Variants in PPFIA2 observed in about 807,000 individuals in gnomAD.
The protein encoded by PPFIA2 is PPFI scaffold protein A2, also known as liprin-alpha-2.
Under a neutral mutation model 175.5 loss-of-function variants are expected in PPFIA2, and 46 were observed. That is an observed-to-expected ratio of 0.26 (90% CI 0.21 to 0.34). PPFIA2 has a LOEUF of 0.34. Among genes scored for constraint, PPFIA2 ranks in the 10% least tolerant of loss-of-function variants. The pLI, the probability that PPFIA2 is intolerant of heterozygous loss-of-function variation, is 1.00. For missense variants in PPFIA2, 1,179 were observed against 1,506.1 expected, an observed-to-expected ratio of 0.78 and a Z score of 3.60; for synonymous variants, 568 against 511.4, an observed-to-expected ratio of 1.11 and a Z score of -1.49.
chr12:81,332,102 CAG>C (rs942902858), intron 21 of PPFIA2, among the ~76,000 whole-genome samples: 16 of 151,962 alleles, frequency 1.1e-4, no homozygotes, highest in Admixed American at 1.3e-4. Flanking sequence ...CTCTGGAAAA[CAG>C]AGCTCGTTTG....
intron 29 of PPFIA2, among the ~76,000 whole-genome samples, 181 bp downstream of exon 29, chr12:81,267,728 ATTT>A (rs137975780): frequency 0.015 from 1,129 of 77,708 alleles, 6 homozygotes; most frequent in Non-Finnish European, 0.024. Flanking sequence ...TAATTGTATG[ATTT>A]TTTTTTTTTT....
intron 31 of PPFIA2, 58 bp from the exon 32 acceptor site, chr12:81,262,098 A>G: frequency 3.4e-6 from 4 of 1,182,022 alleles, no homozygotes; most frequent in Non-Finnish European, 5.0e-6. Context: ...AAGATTTCAG[A>G]TGAGAAAGAT....
intron 4 of PPFIA2, among the ~76,000 whole-genome samples, chr12:81,555,644 CA>C (rs1479219889): frequency 6.6e-6 from 1 of 151,580 alleles, no homozygotes; most frequent in Non-Finnish European, 1.5e-5. Flanking sequence ...TGACAAAGCA[CA>C]AAAAATTACA....
At chr12:81,426,610 G>T (rs1265839335) in intron 7 of PPFIA2, among the ~76,000 whole-genome samples, 1 of 152,134 alleles carries the variant, frequency 6.6e-6, no homozygotes, top group Non-Finnish European at 1.5e-5. Flanking sequence ...ATCATTAGCA[G>T]TCAATTATCA....
At chr12:81,365,569 A>G (rs1200359044) in intron 14 of PPFIA2, among the ~76,000 whole-genome samples, 2 of 151,750 alleles carry the variant, frequency 1.3e-5, no homozygotes, top group African/African-American at 4.8e-5. Flanking sequence ...AATCTGCTCA[A>G]AAACTACTTC....
intron 22 of PPFIA2, among the ~76,000 whole-genome samples, chr12:81,307,815 C>T (rs547392553): frequency 6.6e-6 from 1 of 152,304 alleles, no homozygotes; most frequent in African/African-American, 2.4e-5. Context: ...TTCTGCTCAA[C>T]TAACACAAAT....
intron 4 of PPFIA2, among the ~76,000 whole-genome samples, chr12:81,600,909 C>T (rs1368481930): frequency 6.6e-6 from 1 of 151,938 alleles, no homozygotes; most frequent in East Asian, 1.9e-4. Context: ...CTGGGTCTAA[C>T]ACAATTGAGA....
chr12:81,320,325 A>C (rs1436433479), intron 22 of PPFIA2, among the ~76,000 whole-genome samples: 1 of 152,014 alleles, frequency 6.6e-6, no homozygotes, highest in Non-Finnish European at 1.5e-5. Flanking sequence ...TTCTAACATA[A>C]AGATTTATTG....
chr12:81,498,232 G>A lies in PPFIA2; in HGVS notation c.304-40366C>T, dbSNP rs11114888. Among the ~76,000 whole-genome samples the A allele has an allele frequency of 8.6e-4, 131 of 152,154 alleles. 1 individual carries two copies. The highest frequency in any genetic ancestry group is 3.0e-3 in the African/African-American group (124 of 41,500). ...TACTGTTTGCATCACACATAATCAT[G>A]GTACATCTATCAAATAAATTAAAAT... On this transcript the variant is annotated intron_variant, in intron 4 of 32. Transcript: ENST00000549396.
At chr12:81,498,313 G>A (rs1186855469) in intron 4 of PPFIA2, among the ~76,000 whole-genome samples, 1 of 152,066 alleles carries the variant, frequency 6.6e-6, no homozygotes, top group African/African-American at 2.4e-5. Flanking sequence ...ATATTACTCT[G>A]TTCCAGGATC....
At chr12:81,703,365 C>T (rs865822756) in intron 3 of PPFIA2, among the ~76,000 whole-genome samples, 3 of 151,976 alleles carry the variant, frequency 2.0e-5, no homozygotes, top group Non-Finnish European at 2.9e-5. Context: ...TCCAACAAAA[C>T]CAGAAAAACT....
intron 3 of PPFIA2, among the ~76,000 whole-genome samples, chr12:81,695,783 T>C (rs918590637): frequency 6.6e-6 from 1 of 152,200 alleles, no homozygotes; most frequent in Non-Finnish European, 1.5e-5. Flanking sequence ...ATCATCTCTA[T>C]ACAGCAATTG....
intron 3 of PPFIA2, among the ~76,000 whole-genome samples, chr12:81,681,062 T>C (rs1167033266): frequency 6.6e-6 from 1 of 151,940 alleles, no homozygotes; most frequent in Non-Finnish European, 1.5e-5. Context: ...GTAACAAACA[T>C]AAAACCATTT....
intron 4 of PPFIA2, among the ~76,000 whole-genome samples, chr12:81,620,276 G>C (rs1005095315): frequency 1.7e-4 from 25 of 148,306 alleles, no homozygotes; most frequent in African/African-American, 6.1e-4. Flanking sequence ...AATAAAAACA[G>C]ATGTATCAAA....
chr12:81,711,628 AG>A lies in PPFIA2; in HGVS notation c.250-34785del, dbSNP rs2077937714. Among the ~76,000 whole-genome samples the A allele has an allele frequency of 2.0e-5, 3 of 151,412 alleles. No homozygotes were observed. The South Asian group carries it at 6.2e-4, about 31-fold the overall frequency. On this transcript the variant is annotated intron_variant, in intron 3 of 32. Coordinates refer to ENST00000549396, the MANE Select transcript of PPFIA2 (RefSeq NM_003625.5). Reference sequence around the variant, plus strand: ...ATTCAGAATTGTCCCATTTCCACATAGTTTTTGTTTGTGAATGAATACAAAT... The same window carrying A: ...ATTCAGAATTGTCCCATTTCCACATATTTTTGTTTGTGAATGAATACAAAT...
intron 4 of PPFIA2, among the ~76,000 whole-genome samples, chr12:81,587,889 T>A (rs1595335074): frequency 1.3e-5 from 2 of 152,032 alleles, no homozygotes; most frequent in Admixed American, 6.6e-5. Flanking sequence ...TGTGTCAAAG[T>A]TAGCAAACTA....
intron 5 of PPFIA2, among the ~76,000 whole-genome samples, chr12:81,451,086 C>T (rs1593190543): frequency 6.6e-6 from 1 of 152,042 alleles, no homozygotes; most frequent in African/African-American, 2.4e-5. Context: ...GAGGATCATT[C>T]CTTTTTTGTT....
chr12:81,627,701 A>C (rs1040548935), intron 4 of PPFIA2, among the ~76,000 whole-genome samples: 1 of 152,204 alleles, frequency 6.6e-6, no homozygotes, highest in African/African-American at 2.4e-5. Flanking sequence ...TCATGATCCA[A>C]GTTACCTAAG....
intron 4 of PPFIA2, among the ~76,000 whole-genome samples, chr12:81,490,845 A>G (rs765720222): frequency 2.6e-5 from 4 of 151,958 alleles, no homozygotes; most frequent in African/African-American, 4.8e-5. Flanking sequence ...TAACATCACA[A>G]TGGACTCAAC....
Sources: gnomAD v4.1 joint callset for allele counts (sites outside exome capture counted in the v4.1 genomes callset) on GRCh38, gnomAD v4.1.1 for gene constraint, MANE v1.5 for transcripts, NCBI Gene and HGNC (gene_info 2026-07-23, HGNC 2026-07-21) for gene names.